The following OPCML variants were observed in gnomAD, a reference collection of about 807,000 sequenced individuals.
OPCML encodes the protein opioid binding protein/cell adhesion molecule like.
In OPCML, 13 loss-of-function variants were observed where a neutral mutation model predicts 37.8. That is an observed-to-expected ratio of 0.34 (90% confidence interval 0.22 to 0.55). OPCML has a LOEUF of 0.55. OPCML is among the 20% of genes least tolerant of loss of function. The pLI is 0.91. For missense variants in OPCML, 341 were observed against 435.6 expected (o/e 0.78, Z 1.93); for synonymous variants, 176 against 168.8 (o/e 1.04, Z -0.33).
At chr11:132,446,103 C>CTTTTTT (rs58784534) in intron 4 of OPCML, among the ~76,000 whole-genome samples, 896 of 48,524 alleles carry the variant, frequency 0.018, 150 homozygotes, top group African/African-American at 0.027. Context: ...CTGCTTGTGT[C>CTTTTTT]TTTTTTTTTT....
At chr11:132,868,503 GA>G (rs72327785) in intron 2 of OPCML, among the ~76,000 whole-genome samples, 13,754 of 151,896 alleles carry the variant, frequency 0.091, 737 homozygotes, top group East Asian at 0.13. Context: ...CTAAATAATT[GA>G]AAAAAACTTT....
At position 133,422,674 on chromosome 11, in the gene OPCML, A is replaced by G. The variant is rs958364054; in HGVS notation, c.61+109590T>C. Reference sequence around the variant, plus strand: ...GCCCGGCCACTAATTTCCTTTTAATAATTATTATGTCATGAGGAAATATAT... The same window carrying G: ...GCCCGGCCACTAATTTCCTTTTAATGATTATTATGTCATGAGGAAATATAT... On this transcript the variant is annotated intron_variant, in intron 1 of 7. Coordinates refer to ENST00000524381, the MANE Select transcript of OPCML (RefSeq NM_001012393.5). 68 of 983,956 alleles carry G rather than the reference A, an allele frequency of 6.9e-5. No homozygotes were observed. The African/African-American group carries it at 1.1e-3, about 15-fold the overall frequency. 61.0% of individuals were successfully genotyped at this position (983,956 alleles called of 1,614,324 possible). A position where few individuals can be genotyped will look rare whatever the true frequency, so the allele number is the denominator to read the frequency against.
chr11:132,733,690 T>G (rs888748548), intron 2 of OPCML, among the ~76,000 whole-genome samples: 1 of 152,070 alleles, frequency 6.6e-6, no homozygotes, highest in Non-Finnish European at 1.5e-5. Flanking sequence ...AACAAAGAAT[T>G]TGAGTGTCAC....
At chr11:133,421,804 T>G in intron 1 of OPCML, 1 of 983,568 alleles carries the variant, frequency 1.0e-6, no homozygotes, top group Non-Finnish European at 1.2e-6. Flanking sequence ...GTCTTCCAGC[T>G]GAGTCCTCAG....
chr11:133,404,307 T>C (rs904653743), intron 1 of OPCML, among the ~76,000 whole-genome samples: 1 of 152,248 alleles, frequency 6.6e-6, no homozygotes, highest in African/African-American at 2.4e-5. Flanking sequence ...AGATTTTATT[T>C]CCAAATAAGG....
At chr11:133,223,391 C>G (rs752998400) in intron 1 of OPCML, among the ~76,000 whole-genome samples, 1 of 152,166 alleles carries the variant, frequency 6.6e-6, no homozygotes, top group Non-Finnish European at 1.5e-5. Flanking sequence ...TTGGGAGAAA[C>G]GACTAAGCAG....
intron 2 of OPCML, among the ~76,000 whole-genome samples, chr11:132,903,621 C>G (rs1944137222): frequency 6.6e-6 from 1 of 151,988 alleles, no homozygotes; most frequent in Non-Finnish European, 1.5e-5. Flanking sequence ...CATAGTGAGA[C>G]CTTATCTCTA....
At chr11:132,912,398 C>G (rs1431429064) in intron 2 of OPCML, among the ~76,000 whole-genome samples, 2 of 152,044 alleles carry the variant, frequency 1.3e-5, no homozygotes, top group African/African-American at 4.8e-5. Context: ...ACAATAAACC[C>G]CTTTCCACCT....
At chr11:133,279,430 C>T (rs1942079778) in intron 1 of OPCML, among the ~76,000 whole-genome samples, 1 of 152,204 alleles carries the variant, frequency 6.6e-6, no homozygotes, top group African/African-American at 2.4e-5. Context: ...GACCTACAAT[C>T]CAACATTAAT....
chr11:132,961,983 A>T (rs551060791), intron 1 of OPCML, among the ~76,000 whole-genome samples: 1 of 152,280 alleles, frequency 6.6e-6, no homozygotes, highest in South Asian at 2.1e-4. Context: ...TATCCTCCGT[A>T]CTGTAATCTT....
chr11:133,085,747 C>T (rs867533381), intron 1 of OPCML, among the ~76,000 whole-genome samples: 1 of 152,120 alleles, frequency 6.6e-6, no homozygotes, highest in African/African-American at 2.4e-5. Flanking sequence ...GGAATTTTGA[C>T]GAAGGTCTAA....
intron 1 of OPCML, among the ~76,000 whole-genome samples, chr11:133,125,125 CA>C (rs1482883250): frequency 4.6e-5 from 7 of 152,264 alleles, no homozygotes; most frequent in Non-Finnish European, 1.0e-4. Flanking sequence ...TTCTAAGAAG[CA>C]ACGTCGGGAG....
At chr11:132,834,753 C>T (rs73041410) in intron 2 of OPCML, among the ~76,000 whole-genome samples, 10,183 of 152,136 alleles carry the variant, frequency 0.067, 393 homozygotes, top group Non-Finnish European at 0.076. Context: ...CTGCAAAGAC[C>T]GGATTTCCAA....
rs865793840 is a variant in OPCML, at chr11:133,283,091, G to A, written c.61+249173C>T. Among the ~76,000 whole-genome samples, 3 of 152,172 alleles carry A rather than the reference G, an allele frequency of 2.0e-5. 1 individual carries two copies. The highest frequency in any genetic ancestry group is 1.3e-4 in the Admixed American group (2 of 15,278). ...GAACGAGTTAAGGCTTTGAGGGACT[G>A]TTGGGAAGAGGTGACTGTATTTTGC... On this transcript the variant is annotated intron_variant, in intron 1 of 7. Coordinates refer to ENST00000524381, the MANE Select transcript of OPCML (RefSeq NM_001012393.5).
intron 1 of OPCML, among the ~76,000 whole-genome samples, chr11:133,394,439 A>C (rs1484227566): frequency 2.0e-5 from 3 of 152,126 alleles, no homozygotes; most frequent in Admixed American, 2.0e-4. Flanking sequence ...TTATTTGAAA[A>C]TGTATAATTA....
At chr11:133,269,491 C>T (rs926799719) in intron 1 of OPCML, among the ~76,000 whole-genome samples, 3 of 152,194 alleles carry the variant, frequency 2.0e-5, no homozygotes, top group African/African-American at 7.2e-5. Flanking sequence ...TAGTAGGCAG[C>T]CCAGATTTTC....
At chr11:132,937,478 CAGAG>C (rs35025482) in intron 2 of OPCML, among the ~76,000 whole-genome samples, 40,206 of 149,254 alleles carry the variant, frequency 0.27, 6,235 homozygotes, top group East Asian at 0.6. Flanking sequence ...AACAGGGGGA[CAGAG>C]AGAGAGAGAG....
intron 4 of OPCML, among the ~76,000 whole-genome samples, chr11:132,483,598 C>T (rs1460558995): frequency 2.3e-4 from 35 of 152,094 alleles, no homozygotes; most frequent in Admixed American, 1.4e-3. Flanking sequence ...AAAAAGAGCC[C>T]GCATCGCCAA....
At chr11:133,229,955 A>G (rs938092708) in intron 1 of OPCML, among the ~76,000 whole-genome samples, 2 of 152,216 alleles carry the variant, frequency 1.3e-5, no homozygotes, top group Non-Finnish European at 2.9e-5. Flanking sequence ...TACTGTATGC[A>G]CGTATTCTCA....
Sources: gnomAD v4.1 joint callset for allele counts (sites outside exome capture counted in the v4.1 genomes callset) on GRCh38, gnomAD v4.1.1 for gene constraint, MANE v1.5 for transcripts, NCBI Gene and HGNC (gene_info 2026-07-23, HGNC 2026-07-21) for gene names.